Variants in SCPPPQ1 observed in about 807,000 individuals in gnomAD.
The protein encoded by SCPPPQ1 is secretory calcium-binding phosphoprotein proline- and glutamine-rich 1.
the SCPPPQ1 span, among the ~76,000 whole-genome samples, chr4:87,463,536 T>G: frequency 6.6e-6 from 1 of 152,200 alleles, no homozygotes. Flanking sequence ...TAGTATACTT[T>G]GTATACAAAA....
the SCPPPQ1 span, among the ~76,000 whole-genome samples, chr4:87,466,301 C>T: frequency 4.7e-4 from 71 of 151,890 alleles, no homozygotes; most frequent in East Asian, 0.013. Context: ...ACCTGGGAGG[C>T]GGAGGTTGCA....
At chr4:87,469,499 T>C in the SCPPPQ1 span, among the ~76,000 whole-genome samples, 1 of 152,144 alleles carries the variant, frequency 6.6e-6, no homozygotes, top group South Asian at 2.1e-4. Flanking sequence ...TTTCCTCTTT[T>C]GTGAAATGAA....
chr4:87,470,433 T>C, the SCPPPQ1 span, among the ~76,000 whole-genome samples: 2 of 152,216 alleles, frequency 1.3e-5, no homozygotes, highest in Non-Finnish European at 2.9e-5. Context: ...GTTGCTGTTA[T>C]TGCCAGTTAT....
the SCPPPQ1 span, among the ~76,000 whole-genome samples, chr4:87,467,116 T>G: frequency 6.6e-6 from 1 of 152,186 alleles, no homozygotes; most frequent in Non-Finnish European, 1.5e-5. Flanking sequence ...TTCTCTGAAG[T>G]CTTTGATCCA....
the SCPPPQ1 span, among the ~76,000 whole-genome samples, chr4:87,469,946 TC>T: frequency 5.3e-5 from 6 of 112,344 alleles, no homozygotes; most frequent in South Asian, 3.0e-4. Context: ...TACACACAAA[TC>T]TTTTTTTTTT....
the SCPPPQ1 span, among the ~76,000 whole-genome samples, chr4:87,469,324 A>G: frequency 1.3e-5 from 2 of 152,052 alleles, no homozygotes; most frequent in East Asian, 3.8e-4. Context: ...TCTCCGTGCA[A>G]CTCTGAGGTG....
At chr4:87,464,113 T>C in the SCPPPQ1 span, among the ~76,000 whole-genome samples, 304 of 152,236 alleles carry the variant, frequency 2.0e-3, 1 homozygote, top group Non-Finnish European at 2.8e-3. Context: ...ATTAGGACCA[T>C]TGAGAGATGT....
At chr4:87,469,541 C>A in the SCPPPQ1 span, among the ~76,000 whole-genome samples, 2 of 152,112 alleles carry the variant, frequency 1.3e-5, no homozygotes, top group African/African-American at 2.4e-5. Context: ...CCGAGAAATG[C>A]GATGACTCTA....
At chr4:87,463,841 A>G in the SCPPPQ1 span, among the ~76,000 whole-genome samples, 2 of 152,212 alleles carry the variant, frequency 1.3e-5, no homozygotes, top group Admixed American at 1.3e-4. Context: ...TGTTTTGAGA[A>G]CTTGCTTATA....
the SCPPPQ1 span, among the ~76,000 whole-genome samples, chr4:87,464,310 A>T: frequency 1.3e-5 from 2 of 152,034 alleles, no homozygotes; most frequent in Non-Finnish European, 2.9e-5. Context: ...CATGCTTTTT[A>T]GAATTCTCAT....
At chr4:87,461,446 G>A in the SCPPPQ1 span, among the ~76,000 whole-genome samples, 1 of 152,204 alleles carries the variant, frequency 6.6e-6, no homozygotes, top group Non-Finnish European at 1.5e-5. Context: ...TGATTTGTGA[G>A]TTGAAATTTA....
chr4:87,465,418 T>C, the SCPPPQ1 span, among the ~76,000 whole-genome samples: 1 of 152,082 alleles, frequency 6.6e-6, no homozygotes, highest in Non-Finnish European at 1.5e-5. Context: ...AGCCAGTAAT[T>C]ATTGGTATCA....
chr4:87,466,819 A>G, the SCPPPQ1 span, among the ~76,000 whole-genome samples: 1 of 152,114 alleles, frequency 6.6e-6, no homozygotes, highest in Admixed American at 6.5e-5. Flanking sequence ...TGAGCCCAGG[A>G]GTTTGAGACT....
the SCPPPQ1 span, among the ~76,000 whole-genome samples, chr4:87,462,823 C>T: frequency 1.3e-5 from 2 of 151,952 alleles, no homozygotes; most frequent in Non-Finnish European, 2.9e-5. Flanking sequence ...TGTGGTGAAA[C>T]CCCGTCTCTA....
At chr4:87,464,018 C>T in the SCPPPQ1 span, among the ~76,000 whole-genome samples, 3,814 of 152,240 alleles carry the variant, frequency 0.025, 72 homozygotes, top group Middle Eastern at 0.071. Flanking sequence ...TAAACACTGT[C>T]CCAACTGTGA....
chr4:87,463,716 A>G, the SCPPPQ1 span, among the ~76,000 whole-genome samples: 2 of 152,190 alleles, frequency 1.3e-5, no homozygotes, highest in Admixed American at 6.5e-5. Context: ...ATTGATTTGA[A>G]TGGTTAAGAA....
the SCPPPQ1 span, among the ~76,000 whole-genome samples, chr4:87,465,020 A>G: frequency 1.3e-5 from 2 of 152,188 alleles, no homozygotes; most frequent in African/African-American, 4.8e-5. Context: ...CCTTAAATCT[A>G]TTTCAAATGC....
the SCPPPQ1 span, among the ~76,000 whole-genome samples, chr4:87,469,305 A>G: frequency 6.6e-6 from 1 of 152,196 alleles, no homozygotes; most frequent in Non-Finnish European, 1.5e-5. Context: ...AGATGCATTA[A>G]AAAAATCATC....
At chr4:87,464,022 A>G in the SCPPPQ1 span, among the ~76,000 whole-genome samples, 1 of 152,148 alleles carries the variant, frequency 6.6e-6, no homozygotes, top group Admixed American at 6.5e-5. Flanking sequence ...CACTGTCCCA[A>G]CTGTGACAGA....
Sources: allele counts gnomAD v4.1 joint callset (sites outside exome capture counted in the v4.1 genomes callset), GRCh38; gene constraint gnomAD v4.1.1; transcripts MANE v1.5; gene names NCBI Gene and HGNC (gene_info 2026-07-23, HGNC 2026-07-21).